The following KCNB2 variants were observed in gnomAD, a reference collection of about 807,000 sequenced individuals.
KCNB2 encodes potassium voltage-gated channel subfamily B member 2, also known as delayed rectifier potassium channel protein.
Under a neutral mutation model 61.5 loss-of-function variants are expected in KCNB2, and 15 were observed. The ratio of observed to expected loss-of-function variants is 0.24; its 90% CI spans 0.16 to 0.38. KCNB2 has a LOEUF of 0.38. Among genes scored for constraint, KCNB2 ranks in the 10% least tolerant of loss-of-function variants. The pLI is 1.00. For missense variants in KCNB2, 828 were observed against 1,125.2 expected, an observed-to-expected ratio of 0.74 and a Z score of 3.78; for synonymous variants, 457 against 446.0, an observed-to-expected ratio of 1.02 and a Z score of -0.31.
At chr8:72,813,495 G>A (rs1809340344) in intron 2 of KCNB2, among the ~76,000 whole-genome samples, 1 of 152,078 alleles carries the variant, frequency 6.6e-6, no homozygotes, top group African/African-American at 2.4e-5. Flanking sequence ...CAGCATGAAA[G>A]TGAGACTAAT....
intron 2 of KCNB2, among the ~76,000 whole-genome samples, chr8:72,745,125 G>A (rs892205752): frequency 2.0e-5 from 3 of 152,214 alleles, no homozygotes; most frequent in Non-Finnish European, 4.4e-5. Flanking sequence ...CTGATCCAGA[G>A]AGAACTGGTG....
chr8:72,704,011 T>C (rs1807176128), intron 2 of KCNB2, among the ~76,000 whole-genome samples: 1 of 152,210 alleles, frequency 6.6e-6, no homozygotes. Flanking sequence ...TGTCTGCATT[T>C]GAGTTTTCAG....
At chr8:72,634,531 A>AT in intron 2 of KCNB2, among the ~76,000 whole-genome samples, 1 of 152,254 alleles carries the variant, frequency 6.6e-6, no homozygotes, top group Middle Eastern at 3.4e-3. Context: ...CCAAAGGGTT[A>AT]TTTTTTTCAC....
intron 2 of KCNB2, among the ~76,000 whole-genome samples, chr8:72,636,330 CT>C (rs762535295): frequency 5.9e-5 from 9 of 151,980 alleles, no homozygotes; most frequent in Non-Finnish European, 1.3e-4. Flanking sequence ...ATATGTTATC[CT>C]AAAAGGTATT....
In KCNB2 at chr8:72,567,890, G is replaced by A. The variant is rs34259157; in HGVS notation, c.156G>A (p.Thr52=). 1 of 1,613,996 alleles carries A rather than the reference G, an allele frequency of 6.2e-7. No homozygotes were observed. The highest frequency in any genetic ancestry group is 8.5e-7 in the Non-Finnish European group (1 of 1,180,008). Residue 52 remains threonine, a synonymous_variant, in exon 2 of 3, where the codon ACG becomes ACA. Transcript: ENST00000523207. The part of the protein sequence containing the change: ...GGLNHEVLWR[T]LDRLPRTRLG... ...TCAACCACGAAGTCCTGTGGAGAAC[G>A]CTGGACAGGCTGCCCAGGACGCGCC...
intron 2 of KCNB2, among the ~76,000 whole-genome samples, chr8:72,824,663 C>A (rs184067400): frequency 2.6e-5 from 4 of 152,236 alleles, no homozygotes; most frequent in African/African-American, 9.6e-5. Flanking sequence ...GCAATGAGTC[C>A]GCCCTTCTCT....
At chr8:72,819,651 A>C (rs1185280004) in intron 2 of KCNB2, among the ~76,000 whole-genome samples, 1 of 152,152 alleles carries the variant, frequency 6.6e-6, no homozygotes. Flanking sequence ...CAGCACTTAG[A>C]ATGCTAGGTG....
At chr8:72,838,472 TG>T (rs1809820714) in intron 2 of KCNB2, among the ~76,000 whole-genome samples, 1 of 152,240 alleles carries the variant, frequency 6.6e-6, no homozygotes, top group Non-Finnish European at 1.5e-5. Flanking sequence ...TAGTATTCCA[TG>T]GTATATATGT....
In KCNB2 at chr8:72,699,170, A is replaced by G. The variant is rs150345743; in HGVS notation, c.579+130857A>G. Among the ~76,000 whole-genome samples the G allele has an allele frequency of 2.1e-3, 322 of 152,188 alleles. 3 individuals carry two copies. The highest frequency in any genetic ancestry group is 7.3e-3 in the African/African-American group (302 of 41,556). On this transcript the variant is annotated intron_variant, in intron 2 of 2. Coordinates refer to ENST00000523207, the MANE Select transcript of KCNB2 (RefSeq NM_004770.3). The stretch of plus-strand genomic sequence containing the variant: ...AAGAATTCAATAAGCAAAAAACAAC[A>G]TCATTAAAAAGTGAGCAAACTAATT...
intron 2 of KCNB2, among the ~76,000 whole-genome samples, chr8:72,859,680 T>C (rs1810263481): frequency 6.8e-6 from 1 of 148,082 alleles, no homozygotes; most frequent in South Asian, 2.2e-4. Flanking sequence ...TTCATCCACA[T>C]TGTAGCATGG....
At chr8:72,687,972 CTGTGAGACAAAGTGTGGAAAGACCAG>C (rs1435213202) in intron 2 of KCNB2, among the ~76,000 whole-genome samples, 12 of 152,164 alleles carry the variant, frequency 7.9e-5, no homozygotes, top group African/African-American at 2.7e-4. Flanking sequence ...AGGCCAGAGT[CTGTGAGACAAAGTGTGGAAAGACCAG>C]AGGCCGAATC....
chr8:72,715,742 A>T (rs1585848375), intron 2 of KCNB2, among the ~76,000 whole-genome samples: 1 of 152,230 alleles, frequency 6.6e-6, no homozygotes, highest in African/African-American at 2.4e-5. Context: ...TAACATCACA[A>T]TTAAAAGAAC....
intron 2 of KCNB2, among the ~76,000 whole-genome samples, chr8:72,900,224 T>G (rs577581997): frequency 2.4e-4 from 37 of 152,034 alleles, no homozygotes; most frequent in Non-Finnish European, 4.9e-4. Context: ...TTGACAAAGC[T>G]GACAAAAACA....
At chr8:72,549,515 T>C (rs1313647911) in intron 1 of KCNB2, among the ~76,000 whole-genome samples, 2 of 152,178 alleles carry the variant, frequency 1.3e-5, no homozygotes, top group African/African-American at 2.4e-5. Flanking sequence ...TCTATCTAGA[T>C]GCCTAGATGA....
chr8:72,852,251 C>A (rs910487356), intron 2 of KCNB2, among the ~76,000 whole-genome samples: 1 of 151,988 alleles, frequency 6.6e-6, no homozygotes, highest in African/African-American at 2.4e-5. Flanking sequence ...CAGAGAGAGA[C>A]CCTGCCTGGA....
intron 2 of KCNB2, among the ~76,000 whole-genome samples, chr8:72,710,742 T>A (rs1490239534): frequency 6.6e-6 from 1 of 152,228 alleles, no homozygotes; most frequent in African/African-American, 2.4e-5. Flanking sequence ...GAAAAATTTC[T>A]TAAGATGTTA....
intron 2 of KCNB2, among the ~76,000 whole-genome samples, chr8:72,885,770 T>C (rs1805795920): frequency 6.6e-6 from 1 of 151,952 alleles, no homozygotes; most frequent in African/African-American, 2.4e-5. Context: ...AATAGTAATT[T>C]CTTCTGCTAC....
intron 2 of KCNB2, among the ~76,000 whole-genome samples, chr8:72,634,112 G>A (rs904090481): frequency 2.6e-5 from 4 of 152,164 alleles, no homozygotes; most frequent in Non-Finnish European, 4.4e-5. Flanking sequence ...GTCCACGTTT[G>A]GAAGAATTCC....
intron 2 of KCNB2, among the ~76,000 whole-genome samples, chr8:72,671,523 G>A (rs1806565604): frequency 6.6e-6 from 1 of 152,132 alleles, no homozygotes. Flanking sequence ...GAGAAAAAGA[G>A]CCTTACCACT....
Sources: gnomAD v4.1 joint callset for allele counts (sites outside exome capture counted in the v4.1 genomes callset) on GRCh38, gnomAD v4.1.1 for gene constraint, MANE v1.5 for transcripts, NCBI Gene and HGNC (gene_info 2026-07-23, HGNC 2026-07-21) for gene names.